Variants in ATP11A observed in about 807,000 individuals in gnomAD.
The protein encoded by ATP11A is ATPase phospholipid transporting 11A.
ATP11A carries 81 observed loss-of-function variants against 154.4 expected under a neutral mutation model. The observed-to-expected ratio is 0.52, with a 90% CI of 0.44 to 0.63. The LOEUF is 0.63. ATP11A is among the 30% of genes least tolerant of loss of function. The pLI is 0.00. For synonymous variants in ATP11A, 623 were observed against 585.9 expected, an observed-to-expected ratio of 1.06 and a Z score of -0.91; for missense variants, 1,316 against 1,474.3, an observed-to-expected ratio of 0.89 and a Z score of 1.76.
rs547880798 is a variant in ATP11A at position 112,880,006 on chromosome 13, C to T, written c.*9+1703C>T. 3.9e-5 allele frequency among the ~76,000 whole-genome samples: 6 copies of T among 152,352 alleles called. No individual in the cohort carries two copies. In the South Asian group the frequency reaches 6.2e-4, roughly 16 times the overall value. On this transcript the variant is annotated intron_variant, in intron 29 of 29. Transcript: ENST00000375645. ...TGTTTCCTACTTCTCCTCACCTGGG[C>T]GTTTGCCCATTCAGACGTGCAATTG...
chr13:112,787,329 G>T lies in ATP11A; in HGVS notation c.162+2072G>T, dbSNP rs566079259. Among the ~76,000 whole-genome samples, 11 of 119,326 alleles carry T rather than the reference G, an allele frequency of 9.2e-5. No individual in the cohort carries two copies. In the South Asian group the frequency reaches 1.6e-3, roughly 17 times the overall value. 78.3% of individuals were successfully genotyped at this position (119,326 alleles called of 152,430 possible). A position where few individuals can be genotyped will look rare whatever the true frequency, so the allele number is the denominator to read the frequency against. ...GTCCTGATGTGTAGACCCCTGTGGA[G>T]ACCTACTTAATTGACACCGGGTGTC... On this transcript the variant is annotated intron_variant, in intron 2 of 29. Coordinates refer to ENST00000375645, the MANE Select transcript of ATP11A (RefSeq NM_015205.3).
intron 13 of ATP11A, 66 bp from the exon 14 acceptor site, chr13:112,832,794 C>A: frequency 6.4e-7 from 1 of 1,561,238 alleles, no homozygotes; most frequent in Non-Finnish European, 8.7e-7. Flanking sequence ...TCTCTCTGCG[C>A]CTGTTTCCCT....
At chr13:112,816,301 T>G (rs1214067071) in intron 6 of ATP11A, 90 bp downstream of exon 6, 1 of 1,546,018 alleles carries the variant, frequency 6.5e-7, no homozygotes, top group African/African-American at 1.4e-5. Flanking sequence ...AACATCCTGT[T>G]TGAAAAGTCA....
Position 112,859,787 on chromosome 13 carries a change from G to C in ATP11A, c.2727+335G>C, listed in dbSNP as rs564903611. Among the ~76,000 whole-genome samples the C allele has an allele frequency of 6.6e-6, 1 of 152,222 alleles. No individual in the cohort carries two copies. Among genetic ancestry groups the C allele is most frequent in the Non-Finnish European group, 1.5e-5 (1 of 68,038 alleles). On this transcript the variant is annotated intron_variant, in intron 23 of 29. Coordinates refer to ENST00000375645, the MANE Select transcript of ATP11A (RefSeq NM_015205.3). The surrounding 1 kb of genome is among the most constrained non-coding windows in gnomAD (Gnocchi z 4.3). Reference sequence around the variant, plus strand: ...CTGCAAGAATTAACTCCAACTCGAGGTCCTTGTGGACATGGGCCACCCCGG... The same window carrying C: ...CTGCAAGAATTAACTCCAACTCGAGCTCCTTGTGGACATGGGCCACCCCGG...
intron 1 of ATP11A, among the ~76,000 whole-genome samples, chr13:112,756,360 C>A (rs1045353911): frequency 1.3e-5 from 2 of 152,186 alleles, no homozygotes; most frequent in African/African-American, 4.8e-5. Flanking sequence ...TTCTTTCTCT[C>A]TAGACCCTGC....
intron 9 of ATP11A, among the ~76,000 whole-genome samples, chr13:112,823,900 G>A (rs1355619332): frequency 1.3e-5 from 2 of 152,188 alleles, no homozygotes; most frequent in Admixed American, 1.3e-4. Context: ...CTATTTGCAT[G>A]TAGCCTACGC....
At chr13:112,700,278 C>T (rs976013350) in intron 1 of ATP11A, among the ~76,000 whole-genome samples, 2 of 152,148 alleles carry the variant, frequency 1.3e-5, no homozygotes, top group Admixed American at 6.5e-5. Flanking sequence ...ACCCCCAATA[C>T]GGGAAGGGCA....
intron 1 of ATP11A, among the ~76,000 whole-genome samples, chr13:112,742,751 T>G (rs941869814): frequency 6.6e-6 from 1 of 152,192 alleles, no homozygotes; most frequent in South Asian, 2.1e-4. Context: ...TGGCTGGATC[T>G]CAGGGGGCTC....
At chr13:112,777,306 G>A (rs956647283) in intron 1 of ATP11A, among the ~76,000 whole-genome samples, 32 of 152,192 alleles carry the variant, frequency 2.1e-4, no homozygotes, top group African/African-American at 4.3e-4. Context: ...GCTCACGCCC[G>A]TAATCCCAGC....
At chr13:112,732,677 T>A (rs1479456028) in intron 1 of ATP11A, among the ~76,000 whole-genome samples, 2 of 152,230 alleles carry the variant, frequency 1.3e-5, no homozygotes, top group Non-Finnish European at 1.5e-5. Context: ...AGTGGTGCGA[T>A]CTCGGCTCAC....
At position 112,872,678 on chromosome 13, in the gene ATP11A, C is replaced by T. The variant is rs374314866; in HGVS notation, c.3057+878C>T. On this transcript the variant is annotated intron_variant, in intron 26 of 29. Transcript: ENST00000375645. ...ACACCTTAATCTGAATGACTTTCTT[C>T]GGTGACGATATAAACAACACCTTGG... 1.5e-3 allele frequency among the ~76,000 whole-genome samples: 224 copies of T among 152,362 alleles called. 1 individual carries two copies. Among genetic ancestry groups the T allele is most frequent in the African/African-American group, 5.1e-3 (214 of 41,588 alleles).
intron 16 of ATP11A, among the ~76,000 whole-genome samples, chr13:112,837,955 C>T (rs923563538): frequency 2.6e-5 from 4 of 152,090 alleles, no homozygotes; most frequent in South Asian, 4.2e-4. Context: ...CGCCTGCCTT[C>T]GCTGGTTCCT....
chr13:112,825,677 A>G lies in ATP11A; in HGVS notation c.1023+97A>G, dbSNP rs992728480. 6.6e-5 allele frequency: 93 copies of G among 1,408,608 alleles called. No individual in the cohort carries two copies. The Middle Eastern group carries it at 1.3e-3, about 20-fold the overall frequency. 87.3% of individuals were successfully genotyped at this position (1,408,608 alleles called of 1,614,324 possible). ...AAAAAGATGACGGTGAATTTACTGT[A>G]GGCAAAAAGCAGCTTGATTGATTCA... is the stretch of plus-strand genomic sequence containing the variant. On this transcript the variant is annotated intron_variant, in intron 11 of 29. Coordinates refer to ENST00000375645, the MANE Select transcript of ATP11A (RefSeq NM_015205.3).
chr13:112,748,603 C>T (rs1246485380), intron 1 of ATP11A, among the ~76,000 whole-genome samples: 1 of 152,122 alleles, frequency 6.6e-6, no homozygotes, highest in Non-Finnish European at 1.5e-5. Context: ...TGGACTCATG[C>T]GATCCATTCG....
chr13:112,779,044 G>T (rs1393606029), intron 1 of ATP11A, among the ~76,000 whole-genome samples: 1 of 64,298 alleles, frequency 1.6e-5, no homozygotes, highest in South Asian at 6.9e-4. Flanking sequence ...AGGAGTAGCC[G>T]CTGGAGTGAG....
intron 1 of ATP11A, among the ~76,000 whole-genome samples, chr13:112,727,263 T>C (rs555018889): frequency 2.6e-5 from 4 of 152,342 alleles, no homozygotes; most frequent in Admixed American, 2.0e-4. Context: ...GCCAGGCTGG[T>C]CTCAAACTCC....
intron 20 of ATP11A, 103 bp downstream of exon 20, chr13:112,856,188 G>T: frequency 1.7e-6 from 2 of 1,165,586 alleles, no homozygotes; most frequent in Non-Finnish European, 1.2e-6. Context: ...ATCTAGCAGG[G>T]TACCACCTGT....
At chr13:112,853,517 C>G (rs780485380) in intron 18 of ATP11A, among the ~76,000 whole-genome samples, 40 of 152,164 alleles carry the variant, frequency 2.6e-4, no homozygotes, top group Non-Finnish European at 4.6e-4. Flanking sequence ...AAAATGGAGG[C>G]CCCAAAGTGA....
intron 1 of ATP11A, among the ~76,000 whole-genome samples, chr13:112,750,936 G>A (rs1035969415): frequency 6.6e-6 from 1 of 152,170 alleles, no homozygotes; most frequent in Non-Finnish European, 1.5e-5. Context: ...AATTAATTCT[G>A]TGCCATTCTA....
Sources: gnomAD v4.1 joint callset for allele counts (sites outside exome capture counted in the v4.1 genomes callset) on GRCh38, gnomAD v4.1.1 for gene constraint, Gnocchi (gnomAD v3.1) non-coding constraint, MANE v1.5 for transcripts, NCBI Gene and HGNC (gene_info 2026-07-23, HGNC 2026-07-21) for gene names.